ATG7: variants seen among roughly 807,000 people sequenced by gnomAD.
The protein encoded by ATG7 is ubiquitin-like modifier-activating enzyme ATG7.
In ATG7, 70 loss-of-function variants were observed where a neutral mutation model predicts 82.4. The observed-to-expected ratio is 0.85, with a 90% CI of 0.70 to 1.04. The LOEUF is 1.04. ATG7 is among the 50% of genes least tolerant of loss of function. The probability of loss-of-function intolerance (pLI) is 0.00; values close to 1 mark genes in which losing one functional copy is unlikely to be tolerated. For missense variants in ATG7, 792 were observed against 864.3 expected (o/e 0.92, Z 1.05); for synonymous variants, 287 against 313.0 (o/e 0.92, Z 0.88).
chr3:11,395,939 C>CA (rs869125190), intron 19 of ATG7, among the ~76,000 whole-genome samples: 840 of 25,476 alleles, frequency 0.033, 66 homozygotes, highest in Non-Finnish European at 0.049. Context: ...GACTCTGTCT[C>CA]AAAAAAAAAA....
chr3:11,404,590 T>TAC (rs2080156855), intron 19 of ATG7, among the ~76,000 whole-genome samples: 1 of 152,018 alleles, frequency 6.6e-6, no homozygotes, highest in Non-Finnish European at 1.5e-5. Context: ...TTTGGGCATG[T>TAC]ACCTAGCCTT....
chr3:11,279,861 C>T (rs769545614), intron 1 of ATG7, among the ~76,000 whole-genome samples: 1 of 152,038 alleles, frequency 6.6e-6, no homozygotes, highest in African/African-American at 2.4e-5. Flanking sequence ...CTCCAAATTG[C>T]TATACTCCGA....
At chr3:11,307,892 G>A (rs921037910) in intron 6 of ATG7, among the ~76,000 whole-genome samples, 1 of 152,206 alleles carries the variant, frequency 6.6e-6, no homozygotes, top group Non-Finnish European at 1.5e-5. Flanking sequence ...TGTGACTCAG[G>A]AGAGGATGGT....
At chr3:11,553,385 G>T (rs969448341) in intron 20 of ATG7, among the ~76,000 whole-genome samples, 1 of 149,792 alleles carries the variant, frequency 6.7e-6, no homozygotes, top group Non-Finnish European at 1.5e-5. Context: ...ATGTGTGTTC[G>T]TTGAATGGGA....
chr3:11,379,824 T>C, intron 18 of ATG7, 148 bp from the exon 19 acceptor site: 1 of 714,344 alleles, frequency 1.4e-6, no homozygotes, highest in Non-Finnish European at 2.4e-6. Context: ...CAAGGGAAAA[T>C]ACTCATTTCG....
intron 7 of ATG7, among the ~76,000 whole-genome samples, chr3:11,309,766 T>C (rs544618283): frequency 6.6e-6 from 1 of 152,324 alleles, no homozygotes; most frequent in Admixed American, 6.5e-5. Flanking sequence ...TATATCTGTG[T>C]ATATAAAACT....
chr3:11,540,812 CCTG>C (rs2070747566), intron 20 of ATG7, among the ~76,000 whole-genome samples: 1 of 149,680 alleles, frequency 6.7e-6, no homozygotes, highest in Non-Finnish European at 1.5e-5. Flanking sequence ...TCTTACAGTT[CCTG>C]CTTTTAGTGT....
downstream of ATG7, among the ~76,000 whole-genome samples, chr3:11,560,695 GA>G (rs2072904538): frequency 6.6e-6 from 1 of 152,172 alleles, no homozygotes; most frequent in Non-Finnish European, 1.5e-5. Context: ...GGTAGGGGGG[GA>G]TGTGGCTTAG....
chr3:11,325,689 T>G (rs1002002118), intron 9 of ATG7, among the ~76,000 whole-genome samples: 4 of 151,942 alleles, frequency 2.6e-5, no homozygotes, highest in Non-Finnish European at 5.9e-5. Context: ...AAAAAAAATT[T>G]TATCCTATAG....
chr3:11,443,520 G>T (rs2084202215), intron 20 of ATG7, among the ~76,000 whole-genome samples: 1 of 152,086 alleles, frequency 6.6e-6, no homozygotes, highest in Admixed American at 6.5e-5. Context: ...CTGAGTAGCT[G>T]GGGCCACAGG....
intron 20 of ATG7, among the ~76,000 whole-genome samples, chr3:11,486,826 T>G (rs1394721154): frequency 2.1e-5 from 3 of 142,072 alleles, no homozygotes; most frequent in East Asian, 2.2e-4. Flanking sequence ...TTCTGTTTTT[T>G]TTTTTTTTTT....
intron 9 of ATG7, among the ~76,000 whole-genome samples, chr3:11,329,368 T>C (rs1269061384): frequency 3.9e-5 from 6 of 152,200 alleles, no homozygotes; most frequent in African/African-American, 1.2e-4. Context: ...TAACTGGATC[T>C]AGATTTAACA....
rs749109235 is a variant in ATG7, at chr3:11,485,561, C to CTA, written c.2079+58637_2079+58638dup. ...TTTAGTTTAATTAGATCCCATTTGT[C>CTA]TATTTTGGCTTTTGTTGACATTGCT... On this transcript the variant is annotated intron_variant, in intron 20 of 20. Transcript: ENST00000693202. Among the ~76,000 whole-genome samples, 4 of 152,262 alleles carry CTA rather than the reference C, an allele frequency of 2.6e-5. No individual in the cohort carries two copies. In the East Asian group the frequency reaches 5.8e-4, roughly 22 times the overall value.
At chr3:11,356,141 T>C (rs1435972001) in intron 14 of ATG7, among the ~76,000 whole-genome samples, 1 of 152,178 alleles carries the variant, frequency 6.6e-6, no homozygotes, top group Non-Finnish European at 1.5e-5. Flanking sequence ...AGTTGTCATC[T>C]GGGGGCAAGT....
At chr3:11,379,931 T>C (rs2077755381) in intron 18 of ATG7, 41 bp from the exon 19 acceptor site, 2 of 1,573,948 alleles carry the variant, frequency 1.3e-6, no homozygotes, top group East Asian at 4.5e-5. Flanking sequence ...ATGTGGTCGT[T>C]GTGTGTTTGA....
chr3:11,421,227 G>A (rs1165393844), intron 19 of ATG7, among the ~76,000 whole-genome samples: 2 of 152,154 alleles, frequency 1.3e-5, no homozygotes, highest in African/African-American at 2.4e-5. Context: ...AGACAAGTTT[G>A]TTGCAGCAGT....
chr3:11,452,029 G>A (rs1013498846), intron 20 of ATG7, among the ~76,000 whole-genome samples: 1 of 143,896 alleles, frequency 6.9e-6, no homozygotes, highest in Non-Finnish European at 1.5e-5. Context: ...GGGTTGGGGG[G>A]TTGTGGGAGG....
chr3:11,289,413 T>A (rs553105717), intron 3 of ATG7, among the ~76,000 whole-genome samples: 2 of 152,372 alleles, frequency 1.3e-5, no homozygotes, highest in East Asian at 3.9e-4. Flanking sequence ...TTGTCCTGTT[T>A]AGGTATTTCC....
rs2072293047 is a variant in ATG7, at chr3:11,555,271, C to T, written c.*428C>T. On this transcript the variant is annotated 3_prime_UTR_variant, in exon 21 of 21. Transcript: ENST00000693202. ...CCGGAATGTGCTGCCCACCGCACCG[C>T]AGGCTCCTCCTGTGGGGGCCCTGGG... is the stretch of plus-strand genomic sequence containing the variant. 5.9e-6 allele frequency: 1 copy of T among 170,170 alleles called. No homozygotes were observed. Among genetic ancestry groups the T allele is most frequent in the Admixed American group, 6.3e-5 (1 of 15,816 alleles). The allele number at this position is 170,170 out of a possible 1,614,324, so 10.5% of individuals were successfully genotyped here.
Sources: gnomAD v4.1 joint callset for allele counts (sites outside exome capture counted in the v4.1 genomes callset) on GRCh38, gnomAD v4.1.1 for gene constraint, MANE v1.5 for transcripts, NCBI Gene and HGNC (gene_info 2026-07-23, HGNC 2026-07-21) for gene names.